MALRD1: variants seen among roughly 807,000 people sequenced by gnomAD.
The protein encoded by MALRD1 is MAM and LDL receptor class A domain containing 1.
A neutral mutation model predicts 242.1 loss-of-function variants in MALRD1; 247 were observed. That is an observed-to-expected ratio of 1.02 (90% CI 0.92 to 1.13). The LOEUF is 1.13. Among genes scored for constraint, MALRD1 ranks in the 50% most tolerant of loss-of-function variants. The pLI is 0.00. For missense variants in MALRD1, 2,989 were observed against 2,533.1 expected, an observed-to-expected ratio of 1.18 and a Z score of -3.86; for synonymous variants, 995 against 866.6, an observed-to-expected ratio of 1.15 and a Z score of -2.60.
intron 12 of MALRD1, among the ~76,000 whole-genome samples, chr10:19,164,291 T>C (rs541023518): frequency 6.6e-6 from 1 of 152,012 alleles, no homozygotes; most frequent in Admixed American, 6.5e-5. Context: ...AAAAAGCATT[T>C]AAAACATTTT....
At chr10:19,591,874 A>G (rs989373135) in intron 33 of MALRD1, among the ~76,000 whole-genome samples, 1 of 152,234 alleles carries the variant, frequency 6.6e-6, no homozygotes, top group Non-Finnish European at 1.5e-5. Flanking sequence ...TTCCAGGAGT[A>G]TTAGTTTTAT....
chr10:19,607,595 C>G (rs1383065163), intron 34 of MALRD1, among the ~76,000 whole-genome samples, 182 bp from the exon 35 acceptor site: 1 of 152,056 alleles, frequency 6.6e-6, no homozygotes, highest in East Asian at 1.9e-4. Context: ...GTTTTTCTTT[C>G]AGACATTTTT....
chr10:19,196,255 A>G (rs11008893), intron 14 of MALRD1, among the ~76,000 whole-genome samples: 25,481 of 151,876 alleles, frequency 0.17, 2,309 homozygotes, highest in Non-Finnish European at 0.2. Flanking sequence ...CTAACATACC[A>G]TTTTTCTCTC....
chr10:19,174,703 C>T (rs1835150155), intron 13 of MALRD1, among the ~76,000 whole-genome samples: 1 of 152,030 alleles, frequency 6.6e-6, no homozygotes, highest in African/African-American at 2.4e-5. Context: ...TTATCAACCA[C>T]TGTATGTGGT....
At chr10:19,597,421 A>G (rs1007232336) in intron 34 of MALRD1, among the ~76,000 whole-genome samples, 3 of 152,174 alleles carry the variant, frequency 2.0e-5, no homozygotes, top group African/African-American at 7.2e-5. Flanking sequence ...TCCAAAAGGG[A>G]AATAAGGCCA....
intron 26 of MALRD1, among the ~76,000 whole-genome samples, chr10:19,355,868 T>G (rs1205246592): frequency 1.4e-5 from 2 of 142,222 alleles, no homozygotes; most frequent in Non-Finnish European, 3.1e-5. Flanking sequence ...TTATATATGA[T>G]ATATATTAGC....
chr10:19,209,723 G>C, intron 18 of MALRD1, 43 bp downstream of exon 18: 1 of 1,460,680 alleles, frequency 6.8e-7, no homozygotes, highest in South Asian at 1.4e-5. Context: ...AAATGCATCT[G>C]AATGTCTAAG....
chr10:19,365,539 T>C (rs1300735649), intron 26 of MALRD1, among the ~76,000 whole-genome samples: 1 of 151,974 alleles, frequency 6.6e-6, no homozygotes, highest in Non-Finnish European at 1.5e-5. Flanking sequence ...TTTGTGATTT[T>C]CTCTTTGTCT....
intron 29 of MALRD1, among the ~76,000 whole-genome samples, chr10:19,469,685 G>A (rs999116493): frequency 6.6e-6 from 1 of 152,070 alleles, no homozygotes; most frequent in African/African-American, 2.4e-5. Context: ...CTATTGCATT[G>A]TCCTGCAGGT....
Position 19,331,552 on chromosome 10 carries a change from G to A in MALRD1, c.3871G>A (p.Asp1291Asn). The A allele has an allele frequency of 6.5e-7, 1 of 1,550,236 alleles. No individual in the cohort carries two copies. The highest frequency in any genetic ancestry group is 1.2e-5 in the South Asian group (1 of 84,052). ...GTGTGATTTTGTGAATGATTGTGCT[G>A]ATAATTCAGATGAGACTACTTTCAT... ...KLCDFVNDCADNSDETTFICR... is the reference protein window; with the variant it reads ...KLCDFVNDCANNSDETTFICR... Residue 1291 changes from aspartate to asparagine, a missense_variant, in exon 24 of 40, where the codon GAT becomes AAT. Transcript: ENST00000454679.
intron 18 of MALRD1, among the ~76,000 whole-genome samples, chr10:19,230,750 T>G (rs1838016758): frequency 6.6e-6 from 1 of 152,168 alleles, no homozygotes; most frequent in Non-Finnish European, 1.5e-5. Flanking sequence ...CCATATTATA[T>G]TAGTAATTAT....
chr10:19,600,172 A>G (rs2131574536), intron 34 of MALRD1, among the ~76,000 whole-genome samples: 1 of 152,256 alleles, frequency 6.6e-6, no homozygotes, highest in East Asian at 1.9e-4. Context: ...CTTATCATCA[A>G]TATTTTTACT....
intron 28 of MALRD1, among the ~76,000 whole-genome samples, chr10:19,402,620 C>T (rs1271738210): frequency 6.6e-6 from 1 of 152,066 alleles, no homozygotes; most frequent in Non-Finnish European, 1.5e-5. Context: ...TGAGAACAGA[C>T]TAATATACCC....
At chr10:19,430,602 A>C (rs1294667730) in intron 28 of MALRD1, among the ~76,000 whole-genome samples, 1 of 152,162 alleles carries the variant, frequency 6.6e-6, no homozygotes, top group Non-Finnish European at 1.5e-5. Flanking sequence ...TATAATCATT[A>C]CATGTTTTCC....
At chr10:19,624,738 T>C (rs972700004) in intron 36 of MALRD1, among the ~76,000 whole-genome samples, 10 of 151,926 alleles carry the variant, frequency 6.6e-5, no homozygotes, top group Admixed American at 5.9e-4. Flanking sequence ...TGATGGCACA[T>C]GCCTGTAATT....
At chr10:19,280,620 T>G (rs1840756076) in intron 20 of MALRD1, among the ~76,000 whole-genome samples, 1 of 152,212 alleles carries the variant, frequency 6.6e-6, no homozygotes, top group African/African-American at 2.4e-5. Context: ...ATTGCCAAAA[T>G]GCACATACAA....
intron 24 of MALRD1, among the ~76,000 whole-genome samples, chr10:19,334,846 G>T (rs1843532473): frequency 6.6e-6 from 1 of 151,956 alleles, no homozygotes; most frequent in Non-Finnish European, 1.5e-5. Flanking sequence ...CACATATAAT[G>T]CTTTTGAATT....
intron 26 of MALRD1, among the ~76,000 whole-genome samples, chr10:19,378,772 A>G (rs1463889670): frequency 6.6e-6 from 1 of 152,096 alleles, no homozygotes. Context: ...TTGGTCTATC[A>G]TCTTGTCATG....
chr10:19,699,443 C>T (rs1411267137), intron 38 of MALRD1, among the ~76,000 whole-genome samples: 2 of 152,008 alleles, frequency 1.3e-5, no homozygotes, highest in Non-Finnish European at 2.9e-5. Flanking sequence ...TAAATTGGAA[C>T]TGTAGGGTTG....
Sources: gnomAD v4.1 joint callset for allele counts (sites outside exome capture counted in the v4.1 genomes callset) on GRCh38, gnomAD v4.1.1 for gene constraint, MANE v1.5 for transcripts, NCBI Gene and HGNC (gene_info 2026-07-23, HGNC 2026-07-21) for gene names.